Variants in UGT1A4 observed in about 807,000 individuals in gnomAD.
UGT1A4 encodes the protein UDP-glucuronosyltransferase 1A4.
A neutral mutation model predicts 41.1 loss-of-function variants in UGT1A4; 32 were observed. That is an observed-to-expected ratio of 0.78 (90% CI 0.59 to 1.05). UGT1A4 has a LOEUF of 1.05. Ranked by LOEUF, UGT1A4 falls within the 50% of genes least tolerant of loss-of-function variation. The probability of loss-of-function intolerance (pLI) is 0.00; values close to 1 mark genes in which losing one functional copy is unlikely to be tolerated. For synonymous variants in UGT1A4, 283 were observed against 265.1 expected (o/e 1.07, Z -0.66); for missense variants, 748 against 677.4 (o/e 1.10, Z -1.16).
chr2:233,719,929 A>G (rs1186808280), intron 1 of UGT1A4, among the ~76,000 whole-genome samples: 1 of 152,194 alleles, frequency 6.6e-6, no homozygotes, highest in African/African-American at 2.4e-5. Context: ...ACTCACGGAC[A>G]GTGTTTGTAA....
intron 1 of UGT1A4, among the ~76,000 whole-genome samples, chr2:233,748,366 G>A (rs1693927110): frequency 1.3e-5 from 2 of 151,774 alleles, no homozygotes; most frequent in Admixed American, 1.3e-4. Context: ...CCATCTTCAT[G>A]GTTGTGCATG....
rs886044683 is a variant in UGT1A4 at position 233,760,424 on chromosome 2, C to T, written c.868-6610C>T. The T allele has an allele frequency of 3.3e-5, 53 of 1,614,062 alleles. No individual in the cohort carries two copies. Among genetic ancestry groups the T allele is most frequent in the Non-Finnish European group, 4.4e-5 (52 of 1,180,038 alleles). On this transcript the variant is annotated intron_variant, in intron 1 of 4. Coordinates refer to ENST00000373409, the MANE Select transcript of UGT1A4 (RefSeq NM_007120.3). ...AGCCACTGGCTGAGCATGCTTGGGG[C>T]CATCCAGCAGCTGCAGCAGAGGGGA...
At chr2:233,726,812 C>T (rs1441076374) in intron 1 of UGT1A4, among the ~76,000 whole-genome samples, 1 of 152,118 alleles carries the variant, frequency 6.6e-6, no homozygotes, top group Non-Finnish European at 1.5e-5. Flanking sequence ...GGAGGTTTTC[C>T]TCTATTCGAC....
At chr2:233,733,854 T>G (rs1332608655) in intron 1 of UGT1A4, among the ~76,000 whole-genome samples, 12 of 152,088 alleles carry the variant, frequency 7.9e-5, no homozygotes, top group Admixed American at 7.9e-4. Flanking sequence ...CTTTTTCTAT[T>G]GATTGGAATA....
chr2:233,723,718 G>A (rs1250087108), intron 1 of UGT1A4, among the ~76,000 whole-genome samples: 1 of 83,498 alleles, frequency 1.2e-5, no homozygotes, highest in African/African-American at 6.1e-5. Context: ...TGAGATTAGG[G>A]ATTGGTGATG....
intron 1 of UGT1A4, among the ~76,000 whole-genome samples, chr2:233,732,581 G>T (rs2078286817): frequency 6.6e-6 from 1 of 152,170 alleles, no homozygotes; most frequent in African/African-American, 2.4e-5. Flanking sequence ...CCCATTGCTT[G>T]TTTTTGTCAG....
rs2076750903 is a variant in UGT1A4, at chr2:233,719,310, T to G, written c.490T>G (p.Tyr164Asp). Residue 164 changes from tyrosine (Y) to aspartate (D), a missense_variant, in exon 1 of 5, where the codon TAC (tyrosine) becomes GAC (aspartate). Physicochemically the swap from Tyr to Asp is radical, Grantham distance 160. Transcript: ENST00000373409. The stretch of plus-strand genomic sequence containing the variant: ...CCTCTGTGGGGCGGTGCTGGCTAAG[T>G]ACCTGTCGATTCCTGCTGTGTTTTT... ...VNLCGAVLAK[Y>D]LSIPAVFFWR... is the part of the protein sequence containing the mutation. 5 of 1,613,982 alleles carry G rather than the reference T, an allele frequency of 3.1e-6. No homozygotes were observed. In the East Asian group the frequency reaches 1.1e-4, roughly 36 times the overall value.
In UGT1A4 at chr2:233,772,491, T is replaced by C; in HGVS notation, c.1537T>C (p.Tyr513His). The C allele has an allele frequency of 6.2e-7, 1 of 1,614,160 alleles. No homozygotes were observed. Among genetic ancestry groups the C allele is most frequent in the South Asian group, 1.1e-5 (1 of 91,082 alleles). Reference sequence around the variant, plus strand: ...CTTCATCACCTTTAAATGTTGTGCTTATGGCTACCGGAAATGCTTGGGGAA... The same window carrying C: ...CTTCATCACCTTTAAATGTTGTGCTCATGGCTACCGGAAATGCTTGGGGAA... ...VAFITFKCCA[Y>H]GYRKCLGKKG... Residue 513 changes from tyrosine to histidine, a missense_variant, in exon 5 of 5, where the codon TAT becomes CAT. Physicochemically the swap from Tyr to His is moderately conservative, Grantham distance 83 (BLOSUM62 2). Coordinates refer to ENST00000373409, the MANE Select transcript of UGT1A4 (RefSeq NM_007120.3).
intron 1 of UGT1A4, among the ~76,000 whole-genome samples, chr2:233,722,845 CT>C (rs61550889): frequency 0.025 from 3,404 of 135,242 alleles, 237 homozygotes; most frequent in African/African-American, 0.08. Context: ...AAGAATGTTT[CT>C]TTTTTTTTTT....
chr2:233,744,202 G>A (rs982618462), intron 1 of UGT1A4, among the ~76,000 whole-genome samples: 3 of 151,822 alleles, frequency 2.0e-5, no homozygotes, highest in Non-Finnish European at 4.4e-5. Flanking sequence ...AAAAAGGATG[G>A]GAAAAAGAGG....
Position 233,772,359 on chromosome 2 carries a change from C to T in UGT1A4, c.1405C>T (p.His469Tyr), listed in dbSNP as rs1559420158. 1 of 1,614,248 alleles carries T rather than the reference C, an allele frequency of 6.2e-7. No individual in the cohort carries two copies. The highest frequency in any genetic ancestry group is 8.5e-7 in the Non-Finnish European group (1 of 1,180,052). ...GTTCTGGGTGGAGTTTGTGATGAGG[C>T]ACAAGGGCGCGCCACACCTGCGCCC... ...AVFWVEFVMR[H>Y]KGAPHLRPAA... Residue 469 changes from histidine (H) to tyrosine (Y), a missense_variant, in exon 5 of 5, where the codon CAC (histidine) becomes TAC (tyrosine). His to Tyr is a moderately conservative substitution (Grantham distance 83). Coordinates refer to ENST00000373409, the MANE Select transcript of UGT1A4 (RefSeq NM_007120.3).
chr2:233,754,673 A>G, intron 1 of UGT1A4: 2 of 470,398 alleles, frequency 4.3e-6, no homozygotes, highest in Non-Finnish European at 8.4e-6. Flanking sequence ...TGATTTTTTT[A>G]CCATCAACTA....
rs527483899 is a variant in UGT1A4 at position 233,768,298 on chromosome 2, T to C, written c.1166T>C (p.Met389Thr). Reference sequence around the variant, plus strand: ...GAAAGCATATGCAATGGCGTTCCCATGGTGATGATGCCCTTGTTTGGTGAT... The same window carrying C: ...GAAAGCATATGCAATGGCGTTCCCACGGTGATGATGCCCTTGTTTGGTGAT... ...VYESICNGVP[M>T]VMMPLFGDQM... The change falls in exon 4 of 5, where the codon ATG becomes ACG. Residue 389 changes from methionine to threonine, a missense_variant. Physicochemically the swap from Met to Thr is moderately conservative, Grantham distance 81. Coordinates refer to ENST00000373409, the MANE Select transcript of UGT1A4 (RefSeq NM_007120.3). 2.2e-5 allele frequency: 35 copies of C among 1,614,192 alleles called. No individual in the cohort carries two copies. In the South Asian group the frequency reaches 3.4e-4, roughly 16 times the overall value.
chr2:233,766,838 C>T (rs906628829), intron 1 of UGT1A4, among the ~76,000 whole-genome samples, 196 bp from the exon 2 acceptor site: 1 of 152,156 alleles, frequency 6.6e-6, no homozygotes, highest in Non-Finnish European at 1.5e-5. Flanking sequence ...TAAGCAGGAA[C>T]CCTTCCTCCT....
chr2:233,744,616 T>C (rs1359252555), intron 1 of UGT1A4, among the ~76,000 whole-genome samples: 1 of 151,926 alleles, frequency 6.6e-6, no homozygotes, highest in Non-Finnish European at 1.5e-5. Context: ...CTTGGCTCTA[T>C]AGAGAGGTGG....
intron 1 of UGT1A4, chr2:233,760,240 A>G (rs749913707): frequency 1.2e-6 from 2 of 1,607,210 alleles, no homozygotes; most frequent in South Asian, 2.2e-5. Context: ...TGCCATATAT[A>G]TATATATAAG....
At chr2:233,753,876 C>T (rs1268305886) in intron 1 of UGT1A4, among the ~76,000 whole-genome samples, 1 of 152,310 alleles carries the variant, frequency 6.6e-6, no homozygotes, top group East Asian at 1.9e-4. Flanking sequence ...AAGGTCTGTC[C>T]TCAGCCTTCA....
intron 1 of UGT1A4, among the ~76,000 whole-genome samples, chr2:233,749,081 G>A (rs958459779): frequency 6.6e-6 from 1 of 151,758 alleles, no homozygotes; most frequent in African/African-American, 2.4e-5. Flanking sequence ...TCCTTGGTGT[G>A]CCATGTATTT....
At chr2:233,721,693 G>A (rs905890959) in intron 1 of UGT1A4, 13 of 351,018 alleles carry the variant, frequency 3.7e-5, no homozygotes, top group African/African-American at 6.4e-5. Context: ...TCTGCAAGAC[G>A]CATGGCTCAT....
Sources: allele counts gnomAD v4.1 joint callset (sites outside exome capture counted in the v4.1 genomes callset), GRCh38; gene constraint gnomAD v4.1.1; transcripts MANE v1.5; gene names NCBI Gene and HGNC (gene_info 2026-07-23, HGNC 2026-07-21).